MPP4: variants seen among roughly 807,000 people sequenced by gnomAD.
MPP4 encodes MAGUK p55 scaffold protein 4.
In MPP4, 91 loss-of-function variants were observed where a neutral mutation model predicts 98.3. The ratio of observed to expected loss-of-function variants is 0.93; its 90% CI spans 0.78 to 1.10. The LOEUF (loss-of-function observed/expected upper bound fraction) is 1.10. Ranked by LOEUF, MPP4 falls within the 50% of genes least tolerant of loss-of-function variation. The probability of loss-of-function intolerance (pLI) is 0.00; values close to 1 mark genes in which losing one functional copy is unlikely to be tolerated. For synonymous variants in MPP4, 261 were observed against 271.8 expected (o/e 0.96, Z 0.39); for missense variants, 744 against 792.9 (o/e 0.94, Z 0.74).
chr2:201,698,167 T>C (rs1689246116), intron 1 of MPP4: 1 of 784,080 alleles, frequency 1.3e-6, no homozygotes, highest in African/African-American at 1.9e-5. Context: ...ATTAGCTTTT[T>C]AAAACGTACT....
intron 18 of MPP4, chr2:201,650,627 C>T (rs1687688051): frequency 1.0e-6 from 1 of 985,338 alleles, no homozygotes; most frequent in Non-Finnish European, 1.2e-6. Context: ...TTTGGAGAAA[C>T]TTGCTCACAT....
intron 7 of MPP4, 132 bp from the exon 8 acceptor site, chr2:201,683,048 GA>G: frequency 1.6e-6 from 1 of 618,404 alleles, no homozygotes; most frequent in Non-Finnish European, 2.7e-6. Context: ...AATAATAATA[GA>G]AAAGAAAGCT....
chr2:201,692,884 G>C (rs1348719971), intron 3 of MPP4, 24 bp downstream of exon 3: 2 of 1,601,132 alleles, frequency 1.2e-6, no homozygotes, highest in Non-Finnish European at 1.7e-6. Flanking sequence ...GCAAGCAAAG[G>C]CTTCCGAGCA....
intron 14 of MPP4, chr2:201,661,973 T>C: frequency 3.1e-6 from 1 of 318,914 alleles, no homozygotes; most frequent in Non-Finnish European, 6.1e-6. Context: ...AATAATCAAT[T>C]AAATTATTTC....
chr2:201,660,070 GTTC>G, intron 15 of MPP4, among the ~76,000 whole-genome samples: 1 of 152,148 alleles, frequency 6.6e-6, no homozygotes, highest in East Asian at 1.9e-4. Context: ...TATTTTTATT[GTTC>G]TTTTAAATGT....
At chr2:201,669,863 T>C (rs1688292210) in intron 11 of MPP4, 113 bp from the exon 12 acceptor site, 2 of 790,780 alleles carry the variant, frequency 2.5e-6, no homozygotes, top group Non-Finnish European at 3.5e-6. Context: ...ATTATTGTAA[T>C]TAGTATTCTG....
intron 15 of MPP4, among the ~76,000 whole-genome samples, chr2:201,658,905 C>T (rs1433588566): frequency 6.6e-6 from 1 of 152,076 alleles, no homozygotes; most frequent in Non-Finnish European, 1.5e-5. Flanking sequence ...TTTTGTTCTT[C>T]TCCCTCCCTG....
intron 1 of MPP4, among the ~76,000 whole-genome samples, chr2:201,697,686 T>C (rs992155181): frequency 6.6e-6 from 1 of 152,146 alleles, no homozygotes; most frequent in African/African-American, 2.4e-5. Context: ...GCCTGTGCCC[T>C]CCCTTCCTTT....
intron 12 of MPP4, among the ~76,000 whole-genome samples, chr2:201,668,430 A>G (rs1406023986): frequency 6.6e-6 from 1 of 150,420 alleles, no homozygotes; most frequent in Non-Finnish European, 1.5e-5. Flanking sequence ...AACACATCAG[A>G]TCAATCGATC....
intron 10 of MPP4, among the ~76,000 whole-genome samples, chr2:201,676,861 C>T (rs1261051964): frequency 7.9e-5 from 12 of 152,200 alleles, no homozygotes; most frequent in Admixed American, 7.8e-4. Context: ...GATCATGCCA[C>T]TGCACTCCAG....
intron 16 of MPP4, 94 bp downstream of exon 16, chr2:201,658,383 T>C: frequency 9.6e-7 from 1 of 1,042,484 alleles, no homozygotes; most frequent in Non-Finnish European, 1.4e-6. Context: ...TCTGGAAATG[T>C]TCATTAGCAA....
At chr2:201,650,493 C>A in intron 18 of MPP4, 1 of 985,394 alleles carries the variant, frequency 1.0e-6, no homozygotes, top group African/African-American at 1.7e-5. Context: ...CCTGAAAGCT[C>A]CCAGGTAGCA....
chr2:201,695,358 C>T (rs111231599), intron 1 of MPP4, among the ~76,000 whole-genome samples: 1 of 152,174 alleles, frequency 6.6e-6, no homozygotes, highest in Non-Finnish European at 1.5e-5. Flanking sequence ...AGTGAAGAAT[C>T]GCCTCATGCC....
intron 13 of MPP4, 103 bp downstream of exon 13, chr2:201,666,231 A>C: frequency 1.1e-6 from 1 of 891,782 alleles, no homozygotes; most frequent in Middle Eastern, 2.2e-4. Flanking sequence ...ACATTTCTAG[A>C]GGAAAGGCCC....
chr2:201,662,136 T>A (rs1688046580), intron 14 of MPP4: 1 of 330,260 alleles, frequency 3.0e-6, no homozygotes, highest in Non-Finnish European at 5.8e-6. Context: ...GAAAGGAAAT[T>A]AATAGATGGC....
intron 21 of MPP4, among the ~76,000 whole-genome samples, chr2:201,645,643 G>C (rs183937127): frequency 6.2e-4 from 95 of 152,024 alleles, no homozygotes; most frequent in Non-Finnish European, 1.0e-3. Context: ...ATGTGGCTAA[G>C]TATAGATAAA....
chr2:201,652,445 C>T (rs1687738945), intron 18 of MPP4, among the ~76,000 whole-genome samples: 1 of 152,154 alleles, frequency 6.6e-6, no homozygotes, highest in African/African-American at 2.4e-5. Context: ...GGCGACAGAG[C>T]AAGACTCCGT....
intron 11 of MPP4, among the ~76,000 whole-genome samples, chr2:201,671,070 AG>A (rs2105929135): frequency 6.6e-6 from 1 of 152,324 alleles, no homozygotes; most frequent in South Asian, 2.1e-4. Context: ...CCCACAGACC[AG>A]GAGATTCCCT....
At chr2:201,659,909 AC>A (rs900525300) in intron 15 of MPP4, among the ~76,000 whole-genome samples, 10 of 152,052 alleles carry the variant, frequency 6.6e-5, no homozygotes, top group African/African-American at 2.4e-4. Flanking sequence ...TTTTTTCTTA[AC>A]CTTTTTTTTT....
Sources: allele counts gnomAD v4.1 joint callset (sites outside exome capture counted in the v4.1 genomes callset), GRCh38; gene constraint gnomAD v4.1.1; transcripts MANE v1.5; gene names NCBI Gene and HGNC (gene_info 2026-07-23, HGNC 2026-07-21).